LMF1: variants seen among roughly 807,000 people sequenced by gnomAD.
LMF1 encodes lipase maturation factor 1, also known as transmembrane protein 112.
A neutral mutation model predicts 60.6 loss-of-function variants in LMF1; 68 were observed. The observed-to-expected ratio is 1.12, with a 90% CI of 0.92 to 1.37. The LOEUF (loss-of-function observed/expected upper bound fraction) is 1.37, where lower values mean the gene tolerates loss of function less well. Among genes scored for constraint, LMF1 ranks in the 40% most tolerant of loss-of-function variants. LMF1 has a pLI of 0.00. For synonymous variants in LMF1, 418 were observed against 324.7 expected (o/e 1.29, Z -3.09); for missense variants, 948 against 767.2 (o/e 1.24, Z -2.78).
intron 3 of LMF1, among the ~76,000 whole-genome samples, chr16:917,417 G>T (rs2071312166): frequency 7.0e-6 from 1 of 142,878 alleles, no homozygotes; most frequent in Admixed American, 6.8e-5. Context: ...GTGAAGAAAT[G>T]CCACACGTGT....
At chr16:894,349 T>G (rs1228578088) in intron 4 of LMF1, among the ~76,000 whole-genome samples, 12 of 127,626 alleles carry the variant, frequency 9.4e-5, no homozygotes, top group Non-Finnish European at 1.6e-4. Flanking sequence ...CACCGGACCG[T>G]CCGCCCACCT....
intron 2 of LMF1, chr16:954,119 C>G: frequency 1.6e-6 from 1 of 642,752 alleles, no homozygotes; most frequent in African/African-American, 1.8e-5. Context: ...GCTGGCAACG[C>G]AGTCCTTTAA....
In LMF1 at chr16:898,513, G is replaced by A. The variant is rs187596323; in HGVS notation, c.664-5441C>T. ...TCTGGGTGTCCTTGAGGCCTTGGCT[G>A]CTGGGGCCTGGAGCAGCCCAGGTGG... is the stretch of plus-strand genomic sequence containing the variant. On this transcript the variant is annotated intron_variant, in intron 4 of 10. Transcript: ENST00000262301. 2.0e-4 allele frequency among the ~76,000 whole-genome samples: 30 copies of A among 152,380 alleles called. No homozygotes were observed. The East Asian group carries it at 4.8e-3, about 25-fold the overall frequency.
rs151140942 is a variant in LMF1 at position 908,699 on chromosome 16, G to A, written c.663+2232C>T. Among the ~76,000 whole-genome samples, 46 of 152,356 alleles carry A rather than the reference G, an allele frequency of 3.0e-4. No homozygotes were observed. In the East Asian group the frequency reaches 3.5e-3, roughly 11 times the overall value. On this transcript the variant is annotated intron_variant, in intron 4 of 10. Coordinates refer to ENST00000262301, the MANE Select transcript of LMF1 (RefSeq NM_022773.4). Reference sequence around the variant, plus strand: ...TCACCAGGCTGCAGCATGCGGGAGCGGCTCCTGGGAGGCGGAGCCAGCCCG... The same window carrying A: ...TCACCAGGCTGCAGCATGCGGGAGCAGCTCCTGGGAGGCGGAGCCAGCCCG...
intron 1 of LMF1, chr16:964,228 G>A (rs72769430): frequency 0.036 from 15,648 of 437,722 alleles, 577 homozygotes; most frequent in South Asian, 0.11. Flanking sequence ...ATCGGAAGGC[G>A]GAGGTTGTAG....
chr16:893,128 C>T, intron 4 of LMF1, 56 bp from the exon 5 acceptor site: 1 of 1,467,166 alleles, frequency 6.8e-7, no homozygotes, highest in Non-Finnish European at 9.3e-7. Flanking sequence ...ATGCGGCGGC[C>T]CCGACAGAAA....
In LMF1 at chr16:897,395, G is replaced by A. The variant is rs1384575157; in HGVS notation, c.664-4323C>T. Among the ~76,000 whole-genome samples the A allele has an allele frequency of 6.6e-6, 1 of 152,216 alleles. No individual in the cohort carries two copies. The highest frequency in any genetic ancestry group is 1.5e-5 in the Non-Finnish European group (1 of 68,038). On this transcript the variant is annotated intron_variant, in intron 4 of 10. Transcript: ENST00000262301. The surrounding 1 kb of genome is among the most constrained non-coding windows in gnomAD (Gnocchi z 4.3). ...CCCCGAAAGCACCGGCTAACGTGGT[G>A]TTTGAGGAGGGGGCGCCGCCAGGCC... is the stretch of plus-strand genomic sequence containing the variant.
chr16:974,331 G>A (rs2073095723), upstream of LMF1, among the ~76,000 whole-genome samples: 4 of 152,280 alleles, frequency 2.6e-5, no homozygotes, highest in Middle Eastern at 3.4e-3. Context: ...AGGCACGTGG[G>A]CCCTGCCCTG....
At chr16:919,119 C>T (rs1458855330) in intron 3 of LMF1, among the ~76,000 whole-genome samples, 4 of 152,096 alleles carry the variant, frequency 2.6e-5, no homozygotes, top group Non-Finnish European at 5.9e-5. Context: ...TTCCCCTCAC[C>T]ACACAGTCTC....
chr16:975,157 C>T (rs1176565195), upstream of LMF1, among the ~76,000 whole-genome samples: 1 of 152,142 alleles, frequency 6.6e-6, no homozygotes, highest in Non-Finnish European at 1.5e-5. Flanking sequence ...CCTGCACCCT[C>T]GGCTACAGGT....
At chr16:863,548 A>G (rs1015734640) in intron 10 of LMF1, among the ~76,000 whole-genome samples, 9 of 152,192 alleles carry the variant, frequency 5.9e-5, no homozygotes, top group Admixed American at 3.3e-4. Context: ...CTTTGTTTCA[A>G]TAAGTTTCTC....
chr16:917,748 G>C (rs934675233), intron 3 of LMF1, among the ~76,000 whole-genome samples: 23 of 152,344 alleles, frequency 1.5e-4, no homozygotes, highest in Admixed American at 1.4e-3. Context: ...CCAGGGGACA[G>C]GAGTACTGCT....
chr16:870,521 C>T (rs2069751615), intron 8 of LMF1, among the ~76,000 whole-genome samples: 3 of 152,344 alleles, frequency 2.0e-5, no homozygotes, highest in Admixed American at 6.5e-5. Flanking sequence ...GGCCCTGCCC[C>T]TTTGCCTCAT....
intron 2 of LMF1, among the ~76,000 whole-genome samples, chr16:942,548 C>T (rs1413109723): frequency 6.7e-6 from 1 of 149,512 alleles, no homozygotes; most frequent in Non-Finnish European, 1.5e-5. Context: ...TTCTCTGTGT[C>T]CTCTCTCTGT....
At chr16:929,306 C>G (rs1285513496) in intron 3 of LMF1, among the ~76,000 whole-genome samples, 1 of 152,242 alleles carries the variant, frequency 6.6e-6, no homozygotes, top group Non-Finnish European at 1.5e-5. Flanking sequence ...AGCCCGCTCT[C>G]CATACAGAAC....
At chr16:932,939 A>G (rs1240434192) in intron 3 of LMF1, among the ~76,000 whole-genome samples, 1 of 151,554 alleles carries the variant, frequency 6.6e-6, no homozygotes, top group Non-Finnish European at 1.5e-5. Flanking sequence ...GCCGCCGCAC[A>G]CGCTTCCTCA....
upstream of LMF1, among the ~76,000 whole-genome samples, chr16:974,473 C>T (rs1017882334): frequency 1.3e-5 from 2 of 152,178 alleles, no homozygotes; most frequent in Non-Finnish European, 2.9e-5. Context: ...AGATGAGGCT[C>T]GGCCACCCCA....
intron 2 of LMF1, among the ~76,000 whole-genome samples, chr16:948,169 G>A (rs1407615523): frequency 1.3e-5 from 2 of 151,554 alleles, no homozygotes; most frequent in Non-Finnish European, 2.9e-5. Flanking sequence ...CAACGACAGA[G>A]TCAGCCAACG....
At chr16:971,886 G>C (rs989558589), upstream of LMF1, among the ~76,000 whole-genome samples, 22 of 152,162 alleles carry the variant, frequency 1.4e-4, no homozygotes, top group African/African-American at 4.8e-4. Context: ...CACTCTTTAC[G>C]TATGAAAAAT....
Sources: allele counts gnomAD v4.1 joint callset (sites outside exome capture counted in the v4.1 genomes callset), GRCh38; gene constraint gnomAD v4.1.1; non-coding constraint Gnocchi (gnomAD v3.1); transcripts MANE v1.5; gene names NCBI Gene and HGNC (gene_info 2026-07-23, HGNC 2026-07-21).